Variants in CNKSR2 observed in about 807,000 individuals in gnomAD.
The protein encoded by CNKSR2 is connector enhancer of kinase suppressor of Ras 2.
A neutral mutation model predicts 84.4 loss-of-function variants in CNKSR2; 14 were observed. The ratio of observed to expected loss-of-function variants is 0.17; its 90% CI spans 0.11 to 0.26. The LOEUF is 0.26. Among genes scored for constraint, CNKSR2 ranks in the 10% least tolerant of loss-of-function variants. CNKSR2 has a pLI of 1.00. For synonymous variants in CNKSR2, 275 were observed against 277.9 expected, an observed-to-expected ratio of 0.99 and a Z score of 0.10; for missense variants, 485 against 771.2, an observed-to-expected ratio of 0.63 and a Z score of 4.40.
chrX:21,574,194 C>G (rs1272748499), intron 13 of CNKSR2, among the ~76,000 whole-genome samples: 1 of 111,847 alleles, frequency 8.9e-6, no homozygotes, highest in African/African-American at 3.3e-5. Context: ...TGGTCAAAGC[C>G]ATTCAACAAG....
intron 20 of CNKSR2, among the ~76,000 whole-genome samples, chrX:21,640,432 G>A (rs769892926): frequency 1.1e-4 from 12 of 111,099 alleles, no homozygotes; most frequent in Non-Finnish European, 1.9e-4. Context: ...GTTTTGTTTC[G>A]TTTGACCTGT....
At chrX:21,466,589 C>CT (rs1411442851) in intron 4 of CNKSR2, among the ~76,000 whole-genome samples, 12 of 110,411 alleles carry the variant, frequency 1.1e-4, no homozygotes, top group South Asian at 3.9e-4. Context: ...TTTTGTTGTT[C>CT]TTTTTTTTGT....
chrX:21,565,462 C>A (rs1207429120), intron 13 of CNKSR2, among the ~76,000 whole-genome samples: 1 of 111,674 alleles, frequency 9.0e-6, no homozygotes, highest in Non-Finnish European at 1.9e-5. Context: ...AACTTCACTT[C>A]TAGAAATTTA....
chrX:21,527,085 A>G, intron 10 of CNKSR2, 85 bp downstream of exon 10: 2 of 842,369 alleles, frequency 2.4e-6, no homozygotes, highest in Non-Finnish European at 3.4e-6. Flanking sequence ...ATTCTGAAGG[A>G]ACACCTTGAA....
intron 8 of CNKSR2, among the ~76,000 whole-genome samples, chrX:21,508,907 G>A (rs771565624): frequency 2.7e-4 from 30 of 111,958 alleles, no homozygotes; most frequent in Admixed American, 4.8e-4. Flanking sequence ...CATGAACTTC[G>A]TTATGAGTCA....
intron 18 of CNKSR2, among the ~76,000 whole-genome samples, chrX:21,605,402 CAG>C (rs2092510491): frequency 8.9e-6 from 1 of 112,427 alleles, no homozygotes; most frequent in African/African-American, 3.2e-5. Flanking sequence ...ATAGAATTTT[CAG>C]AGTCTTCGTA....
intron 1 of CNKSR2, among the ~76,000 whole-genome samples, chrX:21,405,641 C>A (rs1250510132): frequency 1.8e-5 from 2 of 110,645 alleles, no homozygotes; most frequent in African/African-American, 6.6e-5. Flanking sequence ...ATCCATAATT[C>A]TTTTTCTTCC....
intron 1 of CNKSR2, among the ~76,000 whole-genome samples, chrX:21,395,822 T>C (rs1395713187): frequency 9.0e-6 from 1 of 111,601 alleles, no homozygotes; most frequent in Non-Finnish European, 1.9e-5. Flanking sequence ...CAGTTTAAGT[T>C]TTTTTCTACC....
intron 11 of CNKSR2, among the ~76,000 whole-genome samples, chrX:21,555,306 A>G (rs760259579): frequency 8.9e-5 from 10 of 111,866 alleles, no homozygotes; most frequent in South Asian, 3.6e-4. Context: ...TTTATAAGTC[A>G]TTAAAGGTAA....
chrX:21,602,035 G>T (rs773427282), intron 18 of CNKSR2, among the ~76,000 whole-genome samples: 20 of 112,524 alleles, frequency 1.8e-4, no homozygotes, highest in Non-Finnish European at 2.6e-4. Context: ...TGTGTCTTCA[G>T]TGGGCATAGC....
rs1254962546 is a variant in CNKSR2 at position 21,652,744 on chromosome X, T to A, written c.*223T>A. Reference sequence around the variant, plus strand: ...TATGTTTACCATGTGCAAAATCAACTGTCTTTAATGACTTAAAATTAACTT... The same window carrying A: ...TATGTTTACCATGTGCAAAATCAACAGTCTTTAATGACTTAAAATTAACTT... On this transcript the variant is annotated 3_prime_UTR_variant, in exon 22 of 22. Transcript: ENST00000379510. 3.1e-6 allele frequency: 1 copy of A among 321,442 alleles called. No homozygotes were observed. Among genetic ancestry groups the A allele is most frequent in the Non-Finnish European group, 5.3e-6 (1 of 187,197 alleles). The allele number at this position is 321,442 out of a possible 1,213,427, so 26.5% of individuals were successfully genotyped here.
chrX:21,544,946 G>A (rs2092010210), intron 11 of CNKSR2, among the ~76,000 whole-genome samples: 1 of 111,423 alleles, frequency 9.0e-6, no homozygotes, highest in Non-Finnish European at 1.9e-5. Context: ...TGGGTTTCAA[G>A]CACAAAACTG....
At chrX:21,513,167 TAGAA>T (rs1219969512) in intron 8 of CNKSR2, among the ~76,000 whole-genome samples, 1 of 111,810 alleles carries the variant, frequency 8.9e-6, no homozygotes, top group Non-Finnish European at 1.9e-5. Flanking sequence ...GCAGGAATGG[TAGAA>T]AGATTTGGGA....
intron 13 of CNKSR2, among the ~76,000 whole-genome samples, chrX:21,578,942 A>C (rs1454912294): frequency 9.0e-6 from 1 of 111,703 alleles, no homozygotes; most frequent in African/African-American, 3.3e-5. Context: ...ATTTCCTCCA[A>C]CTTCAACAAG....
At chrX:21,531,702 G>A (rs1569225549) in intron 10 of CNKSR2, among the ~76,000 whole-genome samples, 154 bp from the exon 11 acceptor site, 1 of 111,241 alleles carries the variant, frequency 9.0e-6, no homozygotes, top group Non-Finnish European at 1.9e-5. Context: ...AGCAAAATAA[G>A]AATAATTACA....
chrX:21,485,027 C>G (rs1019105117), intron 5 of CNKSR2, among the ~76,000 whole-genome samples: 5 of 110,847 alleles, frequency 4.5e-5, no homozygotes, highest in Non-Finnish European at 9.4e-5. Context: ...ACTAAAAATA[C>G]AAAAAATTAG....
chrX:21,471,601 G>A (rs1163869227), intron 5 of CNKSR2, among the ~76,000 whole-genome samples: 1 of 112,198 alleles, frequency 8.9e-6, no homozygotes, highest in African/African-American at 3.2e-5. Context: ...TTTGTATTTA[G>A]AAAAGGAAAT....
chrX:21,474,029 G>T (rs1209992184), intron 5 of CNKSR2, among the ~76,000 whole-genome samples: 1 of 110,081 alleles, frequency 9.1e-6, no homozygotes, highest in East Asian at 2.8e-4. Context: ...GATTACAGGA[G>T]TGAGCCACTG....
At chrX:21,551,030 CAAAA>C (rs201507178) in intron 11 of CNKSR2, among the ~76,000 whole-genome samples, 1 of 77,816 alleles carries the variant, frequency 1.3e-5, no homozygotes. Context: ...GACTCCATCT[CAAAA>C]AAAAAAAAAA....
Sources: allele counts gnomAD v4.1 joint callset (sites outside exome capture counted in the v4.1 genomes callset), GRCh38; gene constraint gnomAD v4.1.1; transcripts MANE v1.5; gene names NCBI Gene and HGNC (gene_info 2026-07-23, HGNC 2026-07-21).